Variants in NAPEPLD observed in about 807,000 individuals in gnomAD.
NAPEPLD encodes the protein N-acyl phosphatidylethanolamine phospholipase D.
NAPEPLD carries 23 observed loss-of-function variants against 38.1 expected under a neutral mutation model. That is an observed-to-expected ratio of 0.60 (90% CI 0.43 to 0.86). The LOEUF (loss-of-function observed/expected upper bound fraction) is 0.86, where lower values mean the gene tolerates loss of function less well. NAPEPLD is among the 40% of genes least tolerant of loss of function. NAPEPLD has a pLI of 0.00. For missense variants in NAPEPLD, 411 were observed against 476.8 expected, an observed-to-expected ratio of 0.86 and a Z score of 1.28; for synonymous variants, 147 against 162.0, an observed-to-expected ratio of 0.91 and a Z score of 0.71.
At chr7:103,112,228 T>C (rs1308260732) in intron 4 of NAPEPLD, among the ~76,000 whole-genome samples, 2 of 152,138 alleles carry the variant, frequency 1.3e-5, no homozygotes, top group Non-Finnish European at 2.9e-5. Flanking sequence ...AGAAATACCA[T>C]TTGACGCAGC....
chr7:103,148,315 G>A (rs140521107), intron 1 of NAPEPLD, among the ~76,000 whole-genome samples: 1 of 151,766 alleles, frequency 6.6e-6, no homozygotes, highest in Non-Finnish European at 1.5e-5. Context: ...TAAAGGCAAA[G>A]ACAAGAACTA....
chr7:103,140,599 T>G (rs572501224), intron 1 of NAPEPLD, among the ~76,000 whole-genome samples: 1 of 152,110 alleles, frequency 6.6e-6, no homozygotes, highest in South Asian at 2.1e-4. Flanking sequence ...TTCACCATGT[T>G]AGCCAGGACG....
intron 1 of NAPEPLD, among the ~76,000 whole-genome samples, chr7:103,136,495 G>A (rs1386791571): frequency 1.3e-5 from 2 of 151,126 alleles, no homozygotes; most frequent in African/African-American, 2.4e-5. Context: ...GCTGAGGCAG[G>A]AGAATCACTT....
intron 1 of NAPEPLD, among the ~76,000 whole-genome samples, chr7:103,137,306 CA>C (rs1427357804): frequency 6.6e-6 from 1 of 152,110 alleles, no homozygotes; most frequent in Non-Finnish European, 1.5e-5. Context: ...AGTATATTAA[CA>C]GACTTTAAGT....
At chr7:103,109,863 G>A (rs978094952) in intron 4 of NAPEPLD, among the ~76,000 whole-genome samples, 13 of 151,954 alleles carry the variant, frequency 8.6e-5, no homozygotes, top group East Asian at 1.9e-4. Flanking sequence ...TCAAATTGAC[G>A]CAATAAAAAA....
intron 1 of NAPEPLD, among the ~76,000 whole-genome samples, chr7:103,143,081 A>T (rs56239976): frequency 1.6e-4 from 3 of 19,180 alleles, no homozygotes; most frequent in Non-Finnish European, 1.1e-3. Flanking sequence ...ACAAAAAAAC[A>T]AAAAAACAAA....
chr7:103,145,011 C>CA (rs35080515), intron 1 of NAPEPLD, among the ~76,000 whole-genome samples: 9,381 of 147,482 alleles, frequency 0.064, 494 homozygotes, highest in East Asian at 0.28. Context: ...ACTCTTGTCT[C>CA]AAAAAAAAAA....
chr7:103,149,933 G>C (rs1006704747), upstream of NAPEPLD, among the ~76,000 whole-genome samples: 5 of 152,178 alleles, frequency 3.3e-5, no homozygotes, highest in Non-Finnish European at 7.3e-5. Context: ...ATGTTGTACA[G>C]TACGTATTGA....
chr7:103,115,171 C>A lies in NAPEPLD; in HGVS notation c.945G>T (p.Trp315Cys). The change falls in exon 4 of 5, where the codon TGG (tryptophan) becomes TGT (cysteine). Residue 315 changes from tryptophan (W) to cysteine (C), a missense_variant. Trp to Cys is a radical substitution (Grantham distance 215). Coordinates refer to ENST00000465647, the MANE Select transcript of NAPEPLD (RefSeq NM_001122838.3). ...GGTCTACATGCTGGTATTTCATAAA[C>A]CACCTGAAGAAACATGGCAATTTCT... ...AIPIGAYEPRWFMKYQHVDPE... is the reference protein window; with the variant it reads ...AIPIGAYEPRCFMKYQHVDPE... 6.2e-6 allele frequency: 10 copies of A among 1,608,426 alleles called. No homozygotes were observed. The highest frequency in any genetic ancestry group is 8.5e-6 in the Non-Finnish European group (10 of 1,176,762).
At chr7:103,111,975 T>C (rs1007906405) in intron 4 of NAPEPLD, among the ~76,000 whole-genome samples, 1 of 152,096 alleles carries the variant, frequency 6.6e-6, no homozygotes. Context: ...AAAGAAGACA[T>C]TTATGCAGCC....
At chr7:103,143,528 C>A (rs1585906317) in intron 1 of NAPEPLD, among the ~76,000 whole-genome samples, 1 of 152,228 alleles carries the variant, frequency 6.6e-6, no homozygotes, top group East Asian at 1.9e-4. Flanking sequence ...GTGATACGAG[C>A]CTTTTATGGT....
intron 4 of NAPEPLD, among the ~76,000 whole-genome samples, chr7:103,111,295 T>TA (rs1270976835): frequency 6.6e-5 from 10 of 152,162 alleles, no homozygotes; most frequent in Non-Finnish European, 1.5e-4. Context: ...AGAGCCCACA[T>TA]AGCCAAGACA....
chr7:103,147,762 T>C (rs1329235738), intron 1 of NAPEPLD, among the ~76,000 whole-genome samples: 1 of 152,216 alleles, frequency 6.6e-6, no homozygotes, highest in East Asian at 1.9e-4. Flanking sequence ...TTTGGAATTC[T>C]GAGTGAAAAT....
chr7:103,145,635 C>G (rs1033319475), intron 1 of NAPEPLD, among the ~76,000 whole-genome samples: 2 of 152,210 alleles, frequency 1.3e-5, no homozygotes, highest in African/African-American at 4.8e-5. Flanking sequence ...CCAACTTGAA[C>G]ATTCCATGAC....
chr7:103,126,970 T>C (rs1254749469), intron 2 of NAPEPLD: 2 of 152,044 alleles, frequency 1.3e-5, no homozygotes, highest in African/African-American at 4.8e-5. Context: ...GAAATTTTCT[T>C]AAATTACAGA....
At chr7:103,105,932 CAAAAAAA>C (rs1194781765) in intron 4 of NAPEPLD, among the ~76,000 whole-genome samples, 2 of 49,970 alleles carry the variant, frequency 4.0e-5, no homozygotes, top group Non-Finnish European at 7.4e-5. Context: ...GACTCCGTCT[CAAAAAAA>C]AAAAAAAAAA....
intron 4 of NAPEPLD, among the ~76,000 whole-genome samples, chr7:103,103,849 T>C (rs1366670245): frequency 6.6e-6 from 1 of 152,248 alleles, no homozygotes; most frequent in African/African-American, 2.4e-5. Flanking sequence ...GGTTTCACCA[T>C]ATGAAATTCC....
chr7:103,114,131 A>G (rs1296679083), intron 4 of NAPEPLD, among the ~76,000 whole-genome samples: 1 of 152,166 alleles, frequency 6.6e-6, no homozygotes, highest in African/African-American at 2.4e-5. Context: ...TCCTGACCTC[A>G]AGTGATCCAC....
chr7:103,126,877 C>T (rs981445191), intron 2 of NAPEPLD: 1 of 150,390 alleles, frequency 6.6e-6, no homozygotes, highest in African/African-American at 2.5e-5. Context: ...ATCCACCTGC[C>T]TCAGCCTCCC....
Sources: gnomAD v4.1 joint callset for allele counts (sites outside exome capture counted in the v4.1 genomes callset) on GRCh38, gnomAD v4.1.1 for gene constraint, MANE v1.5 for transcripts, NCBI Gene and HGNC (gene_info 2026-07-23, HGNC 2026-07-21) for gene names.